The following TTC28 variants were observed in gnomAD, a reference collection of about 807,000 sequenced individuals.
TTC28 encodes the protein tetratricopeptide repeat protein 28.
TTC28 carries 61 observed loss-of-function variants against 198.0 expected under a neutral mutation model. The observed-to-expected ratio is 0.31, with a 90% CI of 0.25 to 0.38. TTC28 has a LOEUF of 0.38. TTC28 is among the 10% of genes least tolerant of loss of function. TTC28 has a pLI of 1.00. For missense variants in TTC28, 2,678 were observed against 3,164.0 expected, an observed-to-expected ratio of 0.85 and a Z score of 3.69; for synonymous variants, 1,171 against 1,297.8, an observed-to-expected ratio of 0.90 and a Z score of 2.10.
intron 2 of TTC28, among the ~76,000 whole-genome samples, chr22:28,586,230 G>A (rs1422363421): frequency 6.7e-6 from 1 of 150,166 alleles, no homozygotes; most frequent in Non-Finnish European, 1.5e-5. Context: ...AGGGAGCCAA[G>A]ATTGCACCAC....
At chr22:28,216,961 C>G (rs1037214386) in intron 5 of TTC28, among the ~76,000 whole-genome samples, 1 of 152,102 alleles carries the variant, frequency 6.6e-6, no homozygotes, top group African/African-American at 2.4e-5. Context: ...AAGCGATCGT[C>G]CTTCCTCAGC....
rs372153486 is a variant in TTC28, at chr22:28,088,534, A to G, written c.3932+5546T>C. 2.2e-4 allele frequency among the ~76,000 whole-genome samples: 34 copies of G among 151,420 alleles called. No homozygotes were observed. In the East Asian group the frequency reaches 6.2e-3, roughly 27 times the overall value. On this transcript the variant is annotated intron_variant, in intron 12 of 22. Coordinates refer to ENST00000397906, the MANE Select transcript of TTC28 (RefSeq NM_001145418.2). The stretch of plus-strand genomic sequence containing the variant: ...AATTCAAGATGGATTAAAGACTTAA[A>G]CGTTAGACCTAAAACCATAAAAACC...
At chr22:28,402,599 A>G (rs1479143329) in intron 2 of TTC28, among the ~76,000 whole-genome samples, 1 of 152,208 alleles carries the variant, frequency 6.6e-6, no homozygotes, top group Non-Finnish European at 1.5e-5. Context: ...GTATCCAAGT[A>G]TAGAACTGAG....
intron 2 of TTC28, among the ~76,000 whole-genome samples, chr22:28,569,759 T>C (rs1273127222): frequency 1.3e-5 from 2 of 152,004 alleles, no homozygotes; most frequent in African/African-American, 4.8e-5. Flanking sequence ...AAACTATCAA[T>C]AGAGTAAACA....
intron 5 of TTC28, among the ~76,000 whole-genome samples, chr22:28,207,822 A>T (rs1926564386): frequency 6.6e-6 from 1 of 152,064 alleles, no homozygotes; most frequent in South Asian, 2.1e-4. Flanking sequence ...CATGTACTTA[A>T]ATGAATCACA....
At chr22:28,042,221 C>G (rs1939668459) in intron 12 of TTC28, among the ~76,000 whole-genome samples, 2 of 152,016 alleles carry the variant, frequency 1.3e-5, no homozygotes, top group South Asian at 4.1e-4. Flanking sequence ...CCAGCCATCC[C>G]ATTACTGGGT....
chr22:28,034,198 G>T (rs1191739575), intron 12 of TTC28, among the ~76,000 whole-genome samples: 1 of 152,176 alleles, frequency 6.6e-6, no homozygotes, highest in African/African-American at 2.4e-5. Context: ...AGACAAAACT[G>T]GTGGTCATAG....
chr22:28,581,348 T>C (rs1438672396), intron 2 of TTC28, among the ~76,000 whole-genome samples: 1 of 152,190 alleles, frequency 6.6e-6, no homozygotes, highest in East Asian at 1.9e-4. Flanking sequence ...TCTTTATAAA[T>C]TACCCAGCGT....
Position 28,163,546 on chromosome 22 carries a change from G to A in TTC28, c.987C>T (p.Asp329=), listed in dbSNP as rs776034591. ...TGTGACTGGCCAGTGCATTGGGGTAGTCTCCAATGGCTGTGTACACGTGGC... is the reference window on the plus strand; with the variant it reads ...TGTGACTGGCCAGTGCATTGGGGTAATCTCCAATGGCTGTGTACACGTGGC... ...SLGHVYTAIG[D]YPNALASHKQ... The change falls in exon 6 of 23, where the codon GAC becomes GAT. Residue 329 remains aspartate (D), a synonymous_variant. Coordinates refer to ENST00000397906, the MANE Select transcript of TTC28 (RefSeq NM_001145418.2). 2.8e-4 allele frequency: 434 copies of A among 1,551,374 alleles called. No individual in the cohort carries two copies. Among genetic ancestry groups the A allele is most frequent in the Non-Finnish European group, 3.7e-4 (429 of 1,146,904 alleles).
Position 28,553,204 on chromosome 22 carries a change from G to A in TTC28, c.381+76348C>T, listed in dbSNP as rs1235404198. Among the ~76,000 whole-genome samples, 20 of 151,996 alleles carry A rather than the reference G, an allele frequency of 1.3e-4. 1 individual carries two copies. Among genetic ancestry groups the A allele is most frequent in the African/African-American group, 4.6e-4 (19 of 41,490 alleles). On this transcript the variant is annotated intron_variant, in intron 2 of 22. Coordinates refer to ENST00000397906, the MANE Select transcript of TTC28 (RefSeq NM_001145418.2). ...CCAAGATTGCAGCCTCTGCCCGGCC[G>A]CCACCCCGTCTGGGAAGTGAGGAGC...
chr22:28,316,535 G>C (rs2045355045), intron 2 of TTC28, among the ~76,000 whole-genome samples: 1 of 151,846 alleles, frequency 6.6e-6, no homozygotes, highest in African/African-American at 2.4e-5. Context: ...TCAATTTTGG[G>C]AGAACTGGCA....
intron 2 of TTC28, among the ~76,000 whole-genome samples, chr22:28,470,406 T>A (rs1286678155): frequency 3.9e-5 from 6 of 152,056 alleles, no homozygotes; most frequent in African/African-American, 1.4e-4. Context: ...CCCACCAGAG[T>A]CTTAGCTAAG....
chr22:28,615,407 T>C (rs988635268), intron 2 of TTC28, among the ~76,000 whole-genome samples: 4 of 152,194 alleles, frequency 2.6e-5, no homozygotes, highest in African/African-American at 9.7e-5. Context: ...CTCAAGTATC[T>C]AGAACTAGAA....
chr22:28,344,150 T>C (rs2045287832), intron 2 of TTC28, among the ~76,000 whole-genome samples: 2 of 150,716 alleles, frequency 1.3e-5, no homozygotes, highest in Admixed American at 6.7e-5. Context: ...TAGTATGGTG[T>C]CTAGAAACAC....
At chr22:28,567,302 T>A (rs2049985672) in intron 2 of TTC28, among the ~76,000 whole-genome samples, 1 of 141,968 alleles carries the variant, frequency 7.0e-6, no homozygotes. Flanking sequence ...TGTGAGAGGA[T>A]CAATTGAGCT....
chr22:28,297,486 G>A (rs367571273), intron 4 of TTC28, 94 bp downstream of exon 4: 5 of 1,402,308 alleles, frequency 3.6e-6, no homozygotes, highest in South Asian at 1.4e-5. Context: ...GCAACCAGGC[G>A]ATCACTTTTC....
At chr22:28,614,838 A>G (rs1365767372) in intron 2 of TTC28, among the ~76,000 whole-genome samples, 1 of 152,212 alleles carries the variant, frequency 6.6e-6, no homozygotes. Context: ...AACCATAAAA[A>G]CCCTAGAAGA....
chr22:28,087,708 G>C (rs537216620), intron 12 of TTC28, among the ~76,000 whole-genome samples: 9 of 152,180 alleles, frequency 5.9e-5, no homozygotes, highest in Non-Finnish European at 1.2e-4. Context: ...ATTAGGAAAA[G>C]AGGAAGTCAA....
intron 2 of TTC28, among the ~76,000 whole-genome samples, chr22:28,415,554 G>A (rs1027361996): frequency 6.6e-6 from 1 of 152,190 alleles, no homozygotes; most frequent in Non-Finnish European, 1.5e-5. Flanking sequence ...ATAGAATAAT[G>A]TACTGCTTGA....
Sources: allele counts gnomAD v4.1 joint callset (sites outside exome capture counted in the v4.1 genomes callset), GRCh38; gene constraint gnomAD v4.1.1; transcripts MANE v1.5; gene names NCBI Gene and HGNC (gene_info 2026-07-23, HGNC 2026-07-21).